IMMP2L: variants seen among roughly 807,000 people sequenced by gnomAD.
The protein encoded by IMMP2L is mitochondrial inner membrane protease subunit 2.
A neutral mutation model predicts 19.3 loss-of-function variants in IMMP2L; 18 were observed. The observed-to-expected ratio is 0.93, with a 90% CI of 0.64 to 1.38. IMMP2L has a LOEUF of 1.38. Among genes scored for constraint, IMMP2L ranks in the 40% most tolerant of loss-of-function variants. The pLI is 0.00. For synonymous variants in IMMP2L, 76 were observed against 73.0 expected, an observed-to-expected ratio of 1.04 and a Z score of -0.21; for missense variants, 233 against 218.2, an observed-to-expected ratio of 1.07 and a Z score of -0.43.
At chr7:110,812,396 A>T (rs1277436581) in intron 5 of IMMP2L, among the ~76,000 whole-genome samples, 1 of 152,066 alleles carries the variant, frequency 6.6e-6, no homozygotes, top group Non-Finnish European at 1.5e-5. Context: ...AGTTAGAAGG[A>T]GCCAGTGATA....
At chr7:110,843,215 T>G (rs969385474) in intron 5 of IMMP2L, among the ~76,000 whole-genome samples, 3 of 152,190 alleles carry the variant, frequency 2.0e-5, no homozygotes, top group Non-Finnish European at 4.4e-5. Flanking sequence ...TTTTAATAAC[T>G]GCCCACTGCC....
At chr7:110,861,098 T>TGTGAGAGAGAGA (rs780880935) in intron 5 of IMMP2L, among the ~76,000 whole-genome samples, 3 of 141,636 alleles carry the variant, frequency 2.1e-5, no homozygotes, top group African/African-American at 8.1e-5. Flanking sequence ...TGTGTGTGTG[T>TGTGAGAGAGAGA]GAGAGAGAGA....
intron 4 of IMMP2L, among the ~76,000 whole-genome samples, chr7:110,887,591 CAAAA>C (rs11341899): frequency 7.1e-6 from 1 of 141,832 alleles, no homozygotes; most frequent in African/African-American, 2.5e-5. Context: ...CTTTTTATAG[CAAAA>C]AAAAAAAAAA....
At chr7:110,995,394 A>C (rs7784003) in intron 3 of IMMP2L, among the ~76,000 whole-genome samples, 1,764 of 152,236 alleles carry the variant, frequency 0.012, 39 homozygotes, top group African/African-American at 0.041. Context: ...ATTTGTGTTT[A>C]TATTTAAGAG....
chr7:110,891,708 A>G (rs899789311), intron 4 of IMMP2L, among the ~76,000 whole-genome samples: 3 of 152,190 alleles, frequency 2.0e-5, no homozygotes, highest in African/African-American at 4.8e-5. Flanking sequence ...CACTTGAAAA[A>G]GAACCAAATA....
At chr7:111,228,383 A>T (rs1340775850) in intron 3 of IMMP2L, among the ~76,000 whole-genome samples, 1 of 150,292 alleles carries the variant, frequency 6.7e-6, no homozygotes, top group East Asian at 1.9e-4. Flanking sequence ...GGTTCTCATT[A>T]AAAAAAAATG....
chr7:111,334,504 T>C (rs1826201740), intron 3 of IMMP2L, among the ~76,000 whole-genome samples: 1 of 152,100 alleles, frequency 6.6e-6, no homozygotes. Flanking sequence ...TTTAAAGCAA[T>C]GGTCAGAGAA....
rs563500068 is a variant in IMMP2L, at chr7:111,436,522, T to TAC, written c.239+50714_239+50715dup. ...AGTCTTTTTTTCTTACACACACACA[T>TAC]ACACACACACACACACACCCCACAC... On this transcript the variant is annotated intron_variant, in intron 3 of 5. Transcript: ENST00000405709. Among the ~76,000 whole-genome samples, 1,177 of 149,236 alleles carry TAC rather than the reference T, an allele frequency of 7.9e-3. 39 individuals carry two copies. The highest frequency in any genetic ancestry group is 0.027 in the African/African-American group (1,084 of 40,550).
intron 3 of IMMP2L, among the ~76,000 whole-genome samples, chr7:111,447,871 A>C (rs1424744444): frequency 6.6e-6 from 1 of 151,360 alleles, no homozygotes; most frequent in Non-Finnish European, 1.5e-5. Context: ...AGATCTACCA[A>C]GCAAATGGAA....
chr7:111,329,835 G>A (rs898211016), intron 3 of IMMP2L, among the ~76,000 whole-genome samples: 1 of 151,736 alleles, frequency 6.6e-6, no homozygotes, highest in South Asian at 2.1e-4. Context: ...AACAGGAGAG[G>A]GTGCTCTTGA....
At chr7:110,857,377 T>A (rs776429420) in intron 5 of IMMP2L, among the ~76,000 whole-genome samples, 28 of 152,094 alleles carry the variant, frequency 1.8e-4, no homozygotes, top group Admixed American at 4.6e-4. Flanking sequence ...TTAATCAGCA[T>A]TATAAAACAC....
intron 5 of IMMP2L, among the ~76,000 whole-genome samples, chr7:110,683,839 T>C (rs1421307204): frequency 6.6e-6 from 1 of 152,120 alleles, no homozygotes; most frequent in Non-Finnish European, 1.5e-5. Flanking sequence ...TTTTTTTCTT[T>C]TTCAGATTTG....
At chr7:111,444,851 G>A (rs1274524050) in intron 3 of IMMP2L, among the ~76,000 whole-genome samples, 2 of 152,038 alleles carry the variant, frequency 1.3e-5, no homozygotes, top group Non-Finnish European at 2.9e-5. Flanking sequence ...TCTAATTACA[G>A]TAGGAAGGTC....
intron 3 of IMMP2L, among the ~76,000 whole-genome samples, chr7:111,076,127 T>C (rs1795391649): frequency 6.6e-6 from 1 of 152,234 alleles, no homozygotes; most frequent in East Asian, 1.9e-4. Flanking sequence ...GAGGAGTCCA[T>C]TGGCCTTCAT....
intron 1 of IMMP2L, among the ~76,000 whole-genome samples, chr7:111,544,104 G>A (rs1225405580): frequency 6.6e-6 from 1 of 152,086 alleles, no homozygotes; most frequent in Admixed American, 6.6e-5. Flanking sequence ...GTAGGGACAT[G>A]GATGAAGCTG....
At chr7:111,388,859 G>A (rs534240170) in intron 3 of IMMP2L, among the ~76,000 whole-genome samples, 1 of 152,006 alleles carries the variant, frequency 6.6e-6, no homozygotes, top group East Asian at 1.9e-4. Flanking sequence ...TTTGGGTGGG[G>A]ACACAGCCAA....
At chr7:111,262,729 A>C (rs913297548) in intron 3 of IMMP2L, among the ~76,000 whole-genome samples, 2 of 152,172 alleles carry the variant, frequency 1.3e-5, no homozygotes, top group African/African-American at 4.8e-5. Context: ...TTCATAATTT[A>C]AATATTCCTG....
chr7:111,562,314 A>G lies in IMMP2L; in HGVS notation c.-466T>C, dbSNP rs1244620066. On this transcript the variant is annotated 5_prime_UTR_variant, in exon 1 of 6. Transcript: ENST00000405709. ...CCGCGCACCCCTCCGCCTCCCGGCAACGCCCGCCCCGCCGGGGCCGGGGCC... is the reference window on the plus strand; with the variant it reads ...CCGCGCACCCCTCCGCCTCCCGGCAGCGCCCGCCCCGCCGGGGCCGGGGCC... 1 of 151,668 alleles carries G rather than the reference A, an allele frequency of 6.6e-6. No homozygotes were observed. The highest frequency in any genetic ancestry group is 2.4e-5 in the African/African-American group (1 of 41,260). The allele number at this position is 151,668 out of a possible 1,614,324, so 9.4% of individuals were successfully genotyped here. A position where few individuals can be genotyped will look rare whatever the true frequency, so the allele number is the denominator to read the frequency against.
intron 3 of IMMP2L, among the ~76,000 whole-genome samples, chr7:111,072,305 T>C (rs1200817636): frequency 2.0e-5 from 3 of 152,228 alleles, no homozygotes; most frequent in South Asian, 4.1e-4. Context: ...GAATATAATA[T>C]GTATACAAAA....
Sources: allele counts gnomAD v4.1 joint callset (sites outside exome capture counted in the v4.1 genomes callset), GRCh38; gene constraint gnomAD v4.1.1; transcripts MANE v1.5; gene names NCBI Gene and HGNC (gene_info 2026-07-23, HGNC 2026-07-21).